The following SLC9A9 variants were observed in gnomAD, a reference collection of about 807,000 sequenced individuals.
SLC9A9 encodes the protein solute carrier family 9 member A9.
In SLC9A9, 62 loss-of-function variants were observed where a neutral mutation model predicts 77.8. The observed-to-expected ratio is 0.80, with a 90% CI of 0.65 to 0.98. The LOEUF is 0.98. Among genes scored for constraint, SLC9A9 ranks in the 50% least tolerant of loss-of-function variants. SLC9A9 has a pLI of 0.00. For synonymous variants in SLC9A9, 320 were observed against 283.5 expected, an observed-to-expected ratio of 1.13 and a Z score of -1.29; for missense variants, 775 against 774.9, an observed-to-expected ratio of 1.00 and a Z score of 0.00.
At chr3:143,474,959 GTTTTT>G (rs58029971) in intron 11 of SLC9A9, among the ~76,000 whole-genome samples, 2 of 127,222 alleles carry the variant, frequency 1.6e-5, no homozygotes, top group African/African-American at 6.0e-5. Flanking sequence ...CTTCACCCAG[GTTTTT>G]TTTTTTTTTT....
chr3:143,470,839 C>T (rs2035365152), intron 11 of SLC9A9, among the ~76,000 whole-genome samples: 1 of 152,034 alleles, frequency 6.6e-6, no homozygotes, highest in Non-Finnish European at 1.5e-5. Context: ...CAACTATGCT[C>T]TTAAATCTAA....
intron 12 of SLC9A9, among the ~76,000 whole-genome samples, chr3:143,461,348 A>G (rs1448997614): frequency 6.6e-6 from 1 of 152,180 alleles, no homozygotes; most frequent in Non-Finnish European, 1.5e-5. Context: ...GACTATTTCT[A>G]TTTCCCATGT....
intron 5 of SLC9A9, among the ~76,000 whole-genome samples, chr3:143,670,595 C>T (rs2039141946): frequency 6.6e-6 from 1 of 152,160 alleles, no homozygotes; most frequent in Non-Finnish European, 1.5e-5. Context: ...CATGGTTCTT[C>T]CAGCTGAGCT....
In SLC9A9 at chr3:143,435,513, C is replaced by T. The variant is rs60415183; in HGVS notation, c.1469+31524G>A. 3.3e-3 allele frequency among the ~76,000 whole-genome samples: 503 copies of T among 152,270 alleles called. 2 individuals are homozygous for T. Among genetic ancestry groups the T allele is most frequent in the African/African-American group, 0.011 (477 of 41,552 alleles). On this transcript the variant is annotated intron_variant, in intron 12 of 15. Coordinates refer to ENST00000316549, the MANE Select transcript of SLC9A9 (RefSeq NM_173653.4). ...AGTTATAGTTCTATGGCAAACTTTA[C>T]TATTCAAAAAATTACTGACTCATTA...
chr3:143,579,575 G>A (rs1038418793), intron 6 of SLC9A9, among the ~76,000 whole-genome samples: 1 of 152,130 alleles, frequency 6.6e-6, no homozygotes, highest in Non-Finnish European at 1.5e-5. Context: ...AGATCCACTA[G>A]CTTTAGGGAG....
chr3:143,475,708 C>T (rs979481685), intron 11 of SLC9A9, among the ~76,000 whole-genome samples: 2 of 151,146 alleles, frequency 1.3e-5, no homozygotes, highest in Admixed American at 1.3e-4. Flanking sequence ...AGGAGAATGG[C>T]ATGAACCTGG....
At chr3:143,699,556 T>A (rs1933737993) in intron 4 of SLC9A9, among the ~76,000 whole-genome samples, 1 of 152,154 alleles carries the variant, frequency 6.6e-6, no homozygotes, top group Non-Finnish European at 1.5e-5. Flanking sequence ...TGTACTGAAC[T>A]TACCGGTGCC....
chr3:143,652,233 T>C (rs1347900925), intron 6 of SLC9A9, 22 bp downstream of exon 6: 2 of 1,574,290 alleles, frequency 1.3e-6, no homozygotes, highest in East Asian at 2.2e-5. Context: ...TAAAGAAACA[T>C]AGGCCAAGTT....
chr3:143,522,658 T>G (rs928906475), intron 9 of SLC9A9, among the ~76,000 whole-genome samples: 1 of 152,112 alleles, frequency 6.6e-6, no homozygotes. Context: ...GCTTCCAAGA[T>G]CACAAAAGAC....
chr3:143,720,896 T>G (rs1157762913), intron 4 of SLC9A9, among the ~76,000 whole-genome samples: 1 of 151,890 alleles, frequency 6.6e-6, no homozygotes, highest in Non-Finnish European at 1.5e-5. Flanking sequence ...TGTAGTTCAA[T>G]TCTTAAGTAT....
At chr3:143,800,649 C>T (rs1401902163) in intron 2 of SLC9A9, among the ~76,000 whole-genome samples, 3 of 152,206 alleles carry the variant, frequency 2.0e-5, no homozygotes, top group Admixed American at 2.0e-4. Flanking sequence ...TGTGCTGCCG[C>T]AAGGCTTCAG....
intron 8 of SLC9A9, among the ~76,000 whole-genome samples, chr3:143,568,236 T>C (rs1449392733): frequency 2.0e-5 from 3 of 152,054 alleles, no homozygotes; most frequent in African/African-American, 7.2e-5. Context: ...CCTCCTAAAG[T>C]TTTACATACC....
chr3:143,418,733 G>A (rs1272579749), intron 12 of SLC9A9, among the ~76,000 whole-genome samples: 5 of 152,152 alleles, frequency 3.3e-5, no homozygotes, highest in African/African-American at 1.2e-4. Context: ...AGCTTGCTGA[G>A]CAATATTGAG....
At chr3:143,410,896 A>G (rs2034084081) in intron 12 of SLC9A9, among the ~76,000 whole-genome samples, 1 of 152,202 alleles carries the variant, frequency 6.6e-6, no homozygotes, top group Non-Finnish European at 1.5e-5. Context: ...CCTATTATTC[A>G]AGAGATAATT....
rs55896751 is a variant in SLC9A9, at chr3:143,648,391, C to A, written c.755+3864G>T. ...TCATAGGGAGTGCGCAACCTAGATC[C>A]CTCACATGCGCAGTTCACAATAGGG... is the stretch of plus-strand genomic sequence containing the variant. On this transcript the variant is annotated intron_variant, in intron 6 of 15. Transcript: ENST00000316549. Among the ~76,000 whole-genome samples the A allele has an allele frequency of 7.9e-3, 1,204 of 152,222 alleles. 11 individuals carry two copies. Among genetic ancestry groups the A allele is most frequent in the African/African-American group, 0.027 (1,113 of 41,534 alleles).
At chr3:143,726,361 C>G (rs924346266) in intron 4 of SLC9A9, among the ~76,000 whole-genome samples, 1 of 151,728 alleles carries the variant, frequency 6.6e-6, no homozygotes, top group Non-Finnish European at 1.5e-5. Flanking sequence ...TGGGAAGGCT[C>G]TATATTTTGA....
chr3:143,609,049 C>A (rs1421775268), intron 6 of SLC9A9, among the ~76,000 whole-genome samples: 1 of 152,120 alleles, frequency 6.6e-6, no homozygotes, highest in East Asian at 1.9e-4. Flanking sequence ...TCTGTAATTC[C>A]CTTATCTGAT....
chr3:143,328,239 C>G (rs1018262616), intron 14 of SLC9A9, among the ~76,000 whole-genome samples: 1 of 152,216 alleles, frequency 6.6e-6, no homozygotes, highest in Admixed American at 6.5e-5. Context: ...ACAGAGGAAA[C>G]TATGTGTGGG....
At chr3:143,626,623 G>A (rs2108721654) in intron 6 of SLC9A9, among the ~76,000 whole-genome samples, 1 of 152,018 alleles carries the variant, frequency 6.6e-6, no homozygotes, top group Admixed American at 6.5e-5. Flanking sequence ...TTGTGGGGTG[G>A]GGGGATGGGG....
Sources: gnomAD v4.1 joint callset for allele counts (sites outside exome capture counted in the v4.1 genomes callset) on GRCh38, gnomAD v4.1.1 for gene constraint, MANE v1.5 for transcripts, NCBI Gene and HGNC (gene_info 2026-07-23, HGNC 2026-07-21) for gene names.